The following PTPRD variants were observed in gnomAD, a reference collection of about 807,000 sequenced individuals.
The protein encoded by PTPRD is protein tyrosine phosphatase receptor type D.
In PTPRD, 34 loss-of-function variants were observed where a neutral mutation model predicts 214.5. The ratio of observed to expected loss-of-function variants is 0.16; its 90% CI spans 0.12 to 0.21. The LOEUF (loss-of-function observed/expected upper bound fraction) is 0.21. PTPRD is among the 10% of genes least tolerant of loss of function. The pLI is 1.00. For missense variants in PTPRD, 2,545 were observed against 2,398.7 expected (o/e 1.06, Z -1.27); for synonymous variants, 1,128 against 845.7 (o/e 1.33, Z -5.79).
intron 33 of PTPRD, 191 bp downstream of exon 33, chr9:8,460,220 G>T (rs187702894): frequency 8.0e-5 from 58 of 724,428 alleles, no homozygotes; most frequent in Non-Finnish European, 1.6e-5. Flanking sequence ...TACCAAAACT[G>T]AATAAGATTC....
intron 10 of PTPRD, among the ~76,000 whole-genome samples, chr9:9,153,950 G>T (rs2099879031): frequency 1.3e-5 from 2 of 152,132 alleles, no homozygotes; most frequent in Admixed American, 1.3e-4. Flanking sequence ...ACTCCCACTT[G>T]CATTCTTCCT....
intron 2 of PTPRD, among the ~76,000 whole-genome samples, chr9:10,474,236 C>G (rs112305929): frequency 2.0e-5 from 3 of 151,538 alleles, no homozygotes; most frequent in African/African-American, 7.3e-5. Context: ...TTCAGGAGAC[C>G]CATCTCACGT....
chr9:10,239,674 C>T (rs1218475387), intron 3 of PTPRD, among the ~76,000 whole-genome samples: 1 of 149,544 alleles, frequency 6.7e-6, no homozygotes, highest in Non-Finnish European at 1.5e-5. Context: ...TGGTGTGACA[C>T]TATAGGAAAT....
intron 11 of PTPRD, among the ~76,000 whole-genome samples, chr9:8,922,813 A>C (rs578097608): frequency 1.6e-4 from 22 of 139,706 alleles, no homozygotes; most frequent in Non-Finnish European, 2.5e-4. Context: ...CGCCCGGCTA[A>C]TTTTTTTTTT....
chr9:9,283,472 A>G (rs1326871481), intron 9 of PTPRD, among the ~76,000 whole-genome samples: 1 of 91,432 alleles, frequency 1.1e-5, no homozygotes, highest in Non-Finnish European at 2.2e-5. Flanking sequence ...CATAATGTCT[A>G]TAATTTTAGC....
chr9:10,014,714 T>A (rs1350847241), intron 4 of PTPRD, among the ~76,000 whole-genome samples: 1 of 152,032 alleles, frequency 6.6e-6, no homozygotes, highest in Non-Finnish European at 1.5e-5. Context: ...ACACTTTGAT[T>A]TGGAACAAAT....
intron 3 of PTPRD, among the ~76,000 whole-genome samples, chr9:10,124,001 G>C (rs2098796613): frequency 6.6e-6 from 1 of 152,116 alleles, no homozygotes; most frequent in Non-Finnish European, 1.5e-5. Flanking sequence ...ATCTAATTTT[G>C]TATATGGAGT....
rs544846700 is a variant in PTPRD at position 9,395,228 on chromosome 9, C to A, written c.-203+2221G>T. Among the ~76,000 whole-genome samples, 10 of 151,380 alleles carry A rather than the reference C, an allele frequency of 6.6e-5. No homozygotes were observed. The South Asian group carries it at 1.0e-3, about 16-fold the overall frequency. ...TATGGGGTCTAATAGGTCCTTGCTACTCAAAGTGTGATCCACAAAGCAGCA... is the reference window on the plus strand; with the variant it reads ...TATGGGGTCTAATAGGTCCTTGCTAATCAAAGTGTGATCCACAAAGCAGCA... On this transcript the variant is annotated intron_variant, in intron 9 of 45. Coordinates refer to ENST00000381196, the MANE Select transcript of PTPRD (RefSeq NM_002839.4).
chr9:10,476,799 C>T (rs919601185), intron 2 of PTPRD, among the ~76,000 whole-genome samples: 8 of 152,104 alleles, frequency 5.3e-5, no homozygotes, highest in Admixed American at 3.9e-4. Flanking sequence ...ATATACAGAC[C>T]AAGGGAACAG....
intron 2 of PTPRD, among the ~76,000 whole-genome samples, chr9:10,588,429 C>G (rs2074502038): frequency 7.4e-6 from 1 of 135,282 alleles, no homozygotes; most frequent in South Asian, 2.3e-4. Context: ...GCTTATTGTA[C>G]ACACACACAC....
intron 11 of PTPRD, among the ~76,000 whole-genome samples, chr9:8,959,698 G>A (rs1350665748): frequency 6.6e-6 from 1 of 152,002 alleles, no homozygotes; most frequent in African/African-American, 2.4e-5. Flanking sequence ...AAGAATCATT[G>A]AGTATATCCT....
intron 39 of PTPRD, among the ~76,000 whole-genome samples, chr9:8,367,469 G>A (rs549271596): frequency 4.6e-5 from 7 of 152,228 alleles, no homozygotes; most frequent in Admixed American, 4.6e-4. Context: ...GTATAGGACG[G>A]CTCTCATAGC....
At chr9:10,341,118 A>T (rs2096931442) in intron 2 of PTPRD, 101 bp from the exon 3 acceptor site, 1 of 151,908 alleles carries the variant, frequency 6.6e-6, no homozygotes, top group African/African-American at 2.4e-5. Context: ...GAAGTACAAA[A>T]ACTGAAAGCA....
chr9:10,073,315 G>A (rs1408960987), intron 3 of PTPRD, among the ~76,000 whole-genome samples: 3 of 151,998 alleles, frequency 2.0e-5, no homozygotes, highest in African/African-American at 7.2e-5. Context: ...AGCAGAAGGG[G>A]CTGCCATAAG....
At chr9:8,763,836 C>T (rs10977287) in intron 11 of PTPRD, among the ~76,000 whole-genome samples, 15,963 of 152,068 alleles carry the variant, frequency 0.1, 950 homozygotes, top group Non-Finnish European at 0.13. Flanking sequence ...GCTAGTCATA[C>T]ACACTTCATA....
Position 8,478,193 on chromosome 9 carries a change from C to T in PTPRD, c.3413+5926G>A, listed in dbSNP as rs1051717045. ...GGTTATTGTGAGTCTTAAATGAAAC[C>T]TAATATCCTCAGTAAATTGCAAAGT... On this transcript the variant is annotated intron_variant, in intron 30 of 45. Coordinates refer to ENST00000381196, the MANE Select transcript of PTPRD (RefSeq NM_002839.4). 7.9e-5 allele frequency among the ~76,000 whole-genome samples: 12 copies of T among 152,100 alleles called. No individual in the cohort carries two copies. The East Asian group carries it at 2.3e-3, about 29-fold the overall frequency.
intron 3 of PTPRD, among the ~76,000 whole-genome samples, chr9:10,331,558 T>G (rs1471202937): frequency 6.6e-6 from 1 of 151,836 alleles, no homozygotes; most frequent in Non-Finnish European, 1.5e-5. Context: ...GTGCTGAAAG[T>G]GGAGCAGTCA....
intron 4 of PTPRD, among the ~76,000 whole-genome samples, chr9:9,993,966 T>A (rs1316857641): frequency 6.6e-6 from 1 of 152,208 alleles, no homozygotes; most frequent in Non-Finnish European, 1.5e-5. Flanking sequence ...TAAATATGTA[T>A]AATACGTACT....
rs371594416 is a variant in PTPRD at position 10,104,919 on chromosome 9, A to G, written c.-544-71129T>C. Among the ~76,000 whole-genome samples, 117 of 151,876 alleles carry G rather than the reference A, an allele frequency of 7.7e-4. 2 individuals carry two copies. The South Asian group carries it at 0.021, about 27-fold the overall frequency. On this transcript the variant is annotated intron_variant, in intron 3 of 45. Coordinates refer to ENST00000381196, the MANE Select transcript of PTPRD (RefSeq NM_002839.4). Reference sequence around the variant, plus strand: ...ATTCCAGCTACTCTCATTTCTTGGCAGCTGTATTGTAGTTTTCAACTTTTC... The same window carrying G: ...ATTCCAGCTACTCTCATTTCTTGGCGGCTGTATTGTAGTTTTCAACTTTTC...
Sources: allele counts gnomAD v4.1 joint callset (sites outside exome capture counted in the v4.1 genomes callset), GRCh38; gene constraint gnomAD v4.1.1; transcripts MANE v1.5; gene names NCBI Gene and HGNC (gene_info 2026-07-23, HGNC 2026-07-21).